Variants in SEC14L3 observed in about 807,000 individuals in gnomAD.
SEC14L3 encodes the protein SEC14-like protein 3.
SEC14L3 carries 56 observed loss-of-function variants against 57.4 expected under a neutral mutation model. The ratio of observed to expected loss-of-function variants is 0.97; its 90% CI spans 0.79 to 1.22. The LOEUF (loss-of-function observed/expected upper bound fraction) is 1.22, where lower values mean the gene tolerates loss of function less well. SEC14L3 is among the 50% of genes most tolerant of loss of function. SEC14L3 has a pLI of 0.00. For missense variants in SEC14L3, 485 were observed against 511.7 expected (o/e 0.95, Z 0.50); for synonymous variants, 173 against 194.4 (o/e 0.89, Z 0.92).
In SEC14L3 at chr22:30,470,209, C is replaced by T; in HGVS notation, c.174+3G>A. ...ATAAATTTCCAGAGTGGATAGGTCTCACCTTGCGGAGCAAAGCCTCCGACT... is the reference window on the plus strand; with the variant it reads ...ATAAATTTCCAGAGTGGATAGGTCTTACCTTGCGGAGCAAAGCCTCCGACT... On this transcript the variant is annotated splice_donor_region_variant and intron_variant, in intron 3 of 11. Transcript: ENST00000215812. 6.2e-7 allele frequency: 1 copy of T among 1,614,082 alleles called. No homozygotes were observed. Among genetic ancestry groups the T allele is most frequent in the Non-Finnish European group, 8.5e-7 (1 of 1,180,024 alleles).
exon 13 of SEC14L3, chr22:30,448,407 T>G (rs1250877967): frequency 6.6e-6 from 1 of 152,166 alleles, no homozygotes; most frequent in African/African-American, 2.4e-5. Context: ...AGGGGCCTCC[T>G]GGGGTCCAGG....
chr22:30,462,967 C>T (rs1935314069), intron 8 of SEC14L3, among the ~76,000 whole-genome samples: 1 of 151,762 alleles, frequency 6.6e-6, no homozygotes, highest in African/African-American at 2.4e-5. Context: ...GAACTCCTGA[C>T]CTTGTGATCC....
Position 30,460,037 on chromosome 22 carries a change from T to A in SEC14L3, c.1187A>T (p.Glu396Val), listed in dbSNP as rs541757061. 1 of 1,614,008 alleles carries A rather than the reference T, an allele frequency of 6.2e-7. No homozygotes were observed. The highest frequency in any genetic ancestry group is 1.7e-5 in the Admixed American group (1 of 60,018). Residue 396 changes from glutamate to valine, a missense_variant, in exon 12 of 12, where the codon GAG becomes GTG. Glu to Val is a moderately radical substitution (Grantham distance 121). Transcript: ENST00000215812. ...PDEGMQKYDK[E>V]LTPV ...GGGAGCCACCTAGACAGGGGTGAGC[T>A]CCTTATCATATTTCTGCATGCCCTC...
chr22:30,471,074 C>T (rs1935593563), intron 1 of SEC14L3: 1 of 326,296 alleles, frequency 3.1e-6, no homozygotes, highest in Non-Finnish European at 5.9e-6. Context: ...CACCTGAGGT[C>T]AGGAGTTTGA....
intron 12 of SEC14L3, among the ~76,000 whole-genome samples, chr22:30,452,163 C>T (rs1934999833): frequency 6.6e-6 from 1 of 151,710 alleles, no homozygotes; most frequent in African/African-American, 2.4e-5. Flanking sequence ...CATACTAATG[C>T]CCCTTAAATT....
At chr22:30,460,753 G>A (rs374118719) in intron 11 of SEC14L3, among the ~76,000 whole-genome samples, 9 of 150,364 alleles carry the variant, frequency 6.0e-5, no homozygotes, top group African/African-American at 1.7e-4. Flanking sequence ...GCTTGAACCC[G>A]GGAGGGGGAG....
Position 30,470,021 on chromosome 22 carries a change from C to T in SEC14L3, c.232G>A (p.Glu78Lys). The T allele has an allele frequency of 6.4e-7, 1 of 1,566,242 alleles. No individual in the cohort carries two copies. The highest frequency in any genetic ancestry group is 1.4e-5 in the African/African-American group (1 of 73,706). ...GGTGTTTGGCGGTGTTGGCTCACCTCTGGGGGCTGCCAATCAAGGATATGG... is the reference window on the plus strand; with the variant it reads ...GGTGTTTGGCGGTGTTGGCTCACCTTTGGGGGCTGCCAATCAAGGATATGG... ...IDHILDWQPP[E>K]VIQKYMPGGL... The change falls in exon 4 of 12, where the codon GAG becomes AAG. Residue 78 changes from glutamate (E) to lysine (K), a missense_variant and splice_region_variant. Coordinates refer to ENST00000215812, the MANE Select transcript of SEC14L3 (RefSeq NM_174975.5).
At chr22:30,467,999 G>A (rs915072543) in intron 5 of SEC14L3, among the ~76,000 whole-genome samples, 47 of 152,148 alleles carry the variant, frequency 3.1e-4, no homozygotes, top group Admixed American at 2.7e-3. Context: ...TTCTATTCCC[G>A]GCCTGGTACG....
intron 1 of SEC14L3, chr22:30,471,107 A>G: frequency 2.9e-6 from 1 of 341,370 alleles, no homozygotes. Flanking sequence ...CAACATGGTG[A>G]AAACTCATCT....
At chr22:30,468,983 G>A (rs1935517316) in intron 4 of SEC14L3, 10 of 1,414,488 alleles carry the variant, frequency 7.1e-6, no homozygotes, top group Middle Eastern at 2.6e-4. Context: ...CGGGTTTAGT[G>A]ATGGAGAACA....
In SEC14L3 at chr22:30,451,991, CAAAAAA is replaced by C. The variant is rs34799395; in HGVS notation, c.905-2753_905-2748del. Among the ~76,000 whole-genome samples the C allele has an allele frequency of 8.0e-3, 272 of 33,838 alleles. 4 individuals carry two copies. Among genetic ancestry groups the C allele is most frequent in the African/African-American group, 0.039 (263 of 6,690 alleles). 22.2% of individuals were successfully genotyped at this position (33,838 alleles called of 152,430 possible). ...TGGGCAAGAGAGTAAGACTCCATCTCAAAAAAAAAAAAAAAAAAGAAAAAAGAAAAG... is the reference window on the plus strand; with the variant it reads ...TGGGCAAGAGAGTAAGACTCCATCTCAAAAAAAAAAAAGAAAAAAGAAAAG... On this transcript the variant is annotated intron_variant, in intron 12 of 12. Transcript: ENST00000403066.
At chr22:30,463,464 G>T (rs1935329420) in intron 8 of SEC14L3, among the ~76,000 whole-genome samples, 2 of 152,188 alleles carry the variant, frequency 1.3e-5, no homozygotes, top group African/African-American at 4.8e-5. Context: ...CAGAGGCTGT[G>T]GACTTAAGGC....
intron 1 of SEC14L3, chr22:30,471,239 C>G (rs929286706): frequency 6.7e-6 from 3 of 446,692 alleles, no homozygotes. Context: ...GAGCTGAGAT[C>G]GCTCCACAGC....
At chr22:30,460,457 AGAG>A (rs1471055776) in intron 11 of SEC14L3, among the ~76,000 whole-genome samples, 1 of 152,194 alleles carries the variant, frequency 6.6e-6, no homozygotes, top group East Asian at 1.9e-4. Flanking sequence ...TGGGTTCATC[AGAG>A]ACCTCCCAGC....
chr22:30,461,654 C>A lies in SEC14L3; in HGVS notation c.812G>T (p.Arg271Leu). ...GGEIPKSMYVRDQVKTQYEHS... is the reference protein window; with the variant it reads ...GGEIPKSMYVLDQVKTQYEHS... ...CTCGTACTGAGTCTTCACCTGGTCCCGCACGTACATGGACTTGGGGATCTC... is the reference window on the plus strand; with the variant it reads ...CTCGTACTGAGTCTTCACCTGGTCCAGCACGTACATGGACTTGGGGATCTC... The change falls in exon 10 of 12, where the codon CGG (arginine) becomes CTG (leucine). Residue 271 changes from arginine to leucine, a missense_variant. Physicochemically the swap from Arg to Leu is moderately radical, Grantham distance 102. Coordinates refer to ENST00000215812, the MANE Select transcript of SEC14L3 (RefSeq NM_174975.5). 1 of 1,613,280 alleles carries A rather than the reference C, an allele frequency of 6.2e-7. No homozygotes were observed. The highest frequency in any genetic ancestry group is 8.5e-7 in the Non-Finnish European group (1 of 1,179,698).
downstream of SEC14L3, among the ~76,000 whole-genome samples, chr22:30,458,005 G>T (rs1935149091): frequency 6.6e-6 from 1 of 152,204 alleles, no homozygotes; most frequent in African/African-American, 2.4e-5. Context: ...AGTGCTTGCT[G>T]CTGCTGAATA....
intron 5 of SEC14L3, 194 bp from the exon 6 acceptor site, chr22:30,467,271 C>CCATCCATCCATT (rs1935449692): frequency 3.6e-6 from 1 of 276,912 alleles, no homozygotes; most frequent in Non-Finnish European, 5.4e-6. Context: ...ATCCATCCAT[C>CCATCCATCCATT]CATCCATCCA....
Position 30,466,185 on chromosome 22 carries a change from T to G in SEC14L3, c.580+149A>C, listed in dbSNP as rs768605981. 342 of 686,810 alleles carry G rather than the reference T, an allele frequency of 5.0e-4. 2 individuals are homozygous for G. The highest frequency in any genetic ancestry group is 6.2e-4 in the Non-Finnish European group (243 of 390,798). The allele number at this position is 686,810 out of a possible 1,614,324, so 42.5% of individuals were successfully genotyped here. On this transcript the variant is annotated intron_variant, in intron 7 of 11. Transcript: ENST00000215812. ...CTAGAAGTTACCATTTATTGAGAAC[T>G]TACTCTATGCCAGGCATTCTAAGTG...
chr22:30,460,118 T>C lies in SEC14L3; in HGVS notation c.1106A>G (p.Tyr369Cys), dbSNP rs777862195. The C allele has an allele frequency of 1.1e-5, 17 of 1,614,066 alleles. No homozygotes were observed. The South Asian group carries it at 1.6e-4, about 16-fold the overall frequency. ...GACCTTCTTGGCGTGGACAAAGCTA[T>C]AGGTGTTGTCGAAGCGTAGGACATC... is the stretch of plus-strand genomic sequence containing the variant. The part of the protein sequence containing the change: ...GVYVLRFDNT[Y>C]SFVHAKKVSF... The change falls in exon 12 of 12, where the codon TAT becomes TGT. Residue 369 changes from tyrosine (Y) to cysteine (C), a missense_variant. By Grantham distance (194) the Tyr-to-Cys change is radical. Transcript: ENST00000215812.
Sources: allele counts gnomAD v4.1 joint callset (sites outside exome capture counted in the v4.1 genomes callset), GRCh38; gene constraint gnomAD v4.1.1; transcripts MANE v1.5; gene names NCBI Gene and HGNC (gene_info 2026-07-23, HGNC 2026-07-21).